STXBP5: variants seen among roughly 807,000 people sequenced by gnomAD.
The protein encoded by STXBP5 is syntaxin-binding protein 5.
STXBP5 carries 50 observed loss-of-function variants against 152.4 expected under a neutral mutation model. That is an observed-to-expected ratio of 0.33 (90% CI 0.26 to 0.42). The LOEUF (loss-of-function observed/expected upper bound fraction) is 0.42. Among genes scored for constraint, STXBP5 ranks in the 10% least tolerant of loss-of-function variants. The probability of loss-of-function intolerance (pLI) is 1.00; values close to 1 mark genes in which losing one functional copy is unlikely to be tolerated. For missense variants in STXBP5, 1,167 were observed against 1,388.6 expected (o/e 0.84, Z 2.54); for synonymous variants, 492 against 494.7 (o/e 0.99, Z 0.07).
intron 13 of STXBP5, 115 bp from the exon 14 acceptor site, chr6:147,314,481 A>G (rs1782541842): frequency 7.5e-7 from 1 of 1,333,816 alleles, no homozygotes; most frequent in East Asian, 2.4e-5. Flanking sequence ...CTGCCAGTTT[A>G]CCCTGATTTT....
chr6:147,315,168 A>C (rs957809642), intron 14 of STXBP5, among the ~76,000 whole-genome samples: 1 of 152,168 alleles, frequency 6.6e-6, no homozygotes, highest in Non-Finnish European at 1.5e-5. Flanking sequence ...TTTCTAGAGA[A>C]GATACATAGA....
rs1786316555 is a variant in STXBP5 at position 147,385,909 on chromosome 6, C to T, written c.*1154C>T. 1.3e-5 allele frequency: 2 copies of T among 151,922 alleles called. No homozygotes were observed. The highest frequency in any genetic ancestry group is 4.8e-5 in the African/African-American group (2 of 41,376). The allele number at this position is 151,922 out of a possible 1,614,324, so 9.4% of individuals were successfully genotyped here. On this transcript the variant is annotated 3_prime_UTR_variant, in exon 28 of 28. Transcript: ENST00000321680. ...ATTATATAAGAGTTTAGTCTGATGA[C>T]CTACAAAATATTTTGTGTAGAAATA... is the stretch of plus-strand genomic sequence containing the variant.
chr6:147,280,573 C>T (rs1780654971), intron 8 of STXBP5, among the ~76,000 whole-genome samples: 1 of 151,988 alleles, frequency 6.6e-6, no homozygotes, highest in African/African-American at 2.4e-5. Context: ...CAAACTTTTC[C>T]CCTTTAGTTT....
In STXBP5 at chr6:147,239,181, G is replaced by A. The variant is rs764116345; in HGVS notation, c.342G>A (p.Val114=). The A allele has an allele frequency of 3.7e-6, 6 of 1,613,032 alleles. No homozygotes were observed. Among genetic ancestry groups the A allele is most frequent in the Non-Finnish European group, 5.1e-6 (6 of 1,179,398 alleles). Residue 114 remains valine, a synonymous_variant, in exon 4 of 28, where the codon GTG becomes GTA. Coordinates refer to ENST00000321680, the MANE Select transcript of STXBP5 (RefSeq NM_001127715.4). ...ACTTGATTTTTAAGGGAGCGCTTGT[G>A]AGTGCCTTGGCTGATGACACCTTAC... The part of the protein sequence containing the change: ...LQFLINEGAL[V]SALADDTLHL...
At chr6:147,336,141 GT>G (rs201925453) in intron 19 of STXBP5, among the ~76,000 whole-genome samples, 5,385 of 151,900 alleles carry the variant, frequency 0.035, 147 homozygotes, top group Admixed American at 0.054. Flanking sequence ...AGGAAATACT[GT>G]TTTTTTTACA....
At chr6:147,283,055 C>G (rs1582887249) in intron 8 of STXBP5, among the ~76,000 whole-genome samples, 2 of 152,122 alleles carry the variant, frequency 1.3e-5, no homozygotes, top group African/African-American at 4.8e-5. Context: ...TCCTGGGCTA[C>G]ATGTGGCCTG....
intron 26 of STXBP5, among the ~76,000 whole-genome samples, chr6:147,375,334 A>G (rs1286135911): frequency 6.6e-6 from 1 of 152,164 alleles, no homozygotes; most frequent in Non-Finnish European, 1.5e-5. Context: ...TGTAAAAGTC[A>G]ATAGCAGTAG....
In STXBP5 at chr6:147,382,951, G is replaced by T; in HGVS notation, c.3367G>T (p.Ala1123Ser). The T allele has an allele frequency of 1.2e-6, 2 of 1,613,432 alleles. No homozygotes were observed. The highest frequency in any genetic ancestry group is 1.7e-6 in the Non-Finnish European group (2 of 1,179,650). Residue 1123 changes from alanine to serine, a missense_variant, in exon 27 of 28, where the codon GCG becomes TCG. By Grantham distance (99) the Ala-to-Ser change is moderately conservative. Coordinates refer to ENST00000321680, the MANE Select transcript of STXBP5 (RefSeq NM_001127715.4). ...QKLGDLEERT[A>S]AMLSSAESFS... ...ACTTGGCGATCTGGAAGAAAGAACTGCGGCCATGTTATCAAGTGCAGAGTC... is the reference window on the plus strand; with the variant it reads ...ACTTGGCGATCTGGAAGAAAGAACTTCGGCCATGTTATCAAGTGCAGAGTC...
At chr6:147,270,170 G>A (rs1365620615) in intron 7 of STXBP5, among the ~76,000 whole-genome samples, 7 of 152,020 alleles carry the variant, frequency 4.6e-5, no homozygotes, top group African/African-American at 1.7e-4. Context: ...AGGCCAAGGC[G>A]GGCAGATCAC....
chr6:147,299,462 T>C (rs537108778), intron 9 of STXBP5, among the ~76,000 whole-genome samples: 3 of 152,046 alleles, frequency 2.0e-5, no homozygotes, highest in African/African-American at 7.2e-5. Flanking sequence ...TCAAACTGTT[T>C]CAAAAAATTG....
intron 26 of STXBP5, among the ~76,000 whole-genome samples, chr6:147,378,264 G>A (rs1054106652): frequency 5.9e-5 from 9 of 151,778 alleles, no homozygotes; most frequent in African/African-American, 1.9e-4. Flanking sequence ...AACCAAAATA[G>A]TATTAGAAAG....
At chr6:147,288,301 G>A (rs1189526024) in intron 8 of STXBP5, among the ~76,000 whole-genome samples, 2 of 152,174 alleles carry the variant, frequency 1.3e-5, no homozygotes, top group African/African-American at 4.8e-5. Flanking sequence ...AATGTTGATT[G>A]TGCTGTAGCA....
At chr6:147,236,623 A>G (rs1778283353) in intron 3 of STXBP5, among the ~76,000 whole-genome samples, 1 of 152,032 alleles carries the variant, frequency 6.6e-6, no homozygotes, top group Non-Finnish European at 1.5e-5. Flanking sequence ...GTTTTATCAC[A>G]TGTACAGATG....
intron 9 of STXBP5, among the ~76,000 whole-genome samples, chr6:147,306,336 A>C (rs1782088969): frequency 1.3e-5 from 2 of 152,234 alleles, no homozygotes; most frequent in Admixed American, 6.5e-5. Context: ...AGAGGTATAC[A>C]GAAGGTAGCT....
chr6:147,243,924 A>G (rs1020216886), intron 4 of STXBP5, among the ~76,000 whole-genome samples: 1 of 151,882 alleles, frequency 6.6e-6, no homozygotes, highest in South Asian at 2.1e-4. Context: ...AAGTAGATCT[A>G]TTTCTGGTTG....
intron 1 of STXBP5, among the ~76,000 whole-genome samples, chr6:147,205,172 TTA>T (rs150947593): frequency 0.043 from 6,520 of 152,122 alleles, 349 homozygotes; most frequent in East Asian, 0.14. Flanking sequence ...CTTTTTATCA[TTA>T]TGTTTGTTAA....
chr6:147,319,088 A>G (rs549918550), intron 16 of STXBP5, among the ~76,000 whole-genome samples: 89 of 152,202 alleles, frequency 5.8e-4, no homozygotes, highest in African/African-American at 2.0e-3. Flanking sequence ...AACAGACCAA[A>G]ATATGATCTT....
chr6:147,370,648 A>G (rs1005519393), intron 25 of STXBP5, among the ~76,000 whole-genome samples: 1 of 152,082 alleles, frequency 6.6e-6, no homozygotes, highest in African/African-American at 2.4e-5. Flanking sequence ...GAGGTGGAAC[A>G]TACCAATTAA....
chr6:147,382,034 C>T (rs913676883), intron 26 of STXBP5, among the ~76,000 whole-genome samples: 6 of 151,810 alleles, frequency 4.0e-5, no homozygotes, highest in African/African-American at 4.8e-5. Context: ...TTGTGGTATA[C>T]GAGTTATATT....
Sources: gnomAD v4.1 joint callset for allele counts (sites outside exome capture counted in the v4.1 genomes callset) on GRCh38, gnomAD v4.1.1 for gene constraint, MANE v1.5 for transcripts, NCBI Gene and HGNC (gene_info 2026-07-23, HGNC 2026-07-21) for gene names.